DNAAF2: variants seen among roughly 807,000 people sequenced by gnomAD.
The protein encoded by DNAAF2 is dynein axonemal assembly factor 2.
A neutral mutation model predicts 48.8 loss-of-function variants in DNAAF2; 58 were observed. The observed-to-expected ratio is 1.19, with a 90% CI of 0.96 to 1.48. DNAAF2 has a LOEUF of 1.48. Among genes scored for constraint, DNAAF2 ranks in the 40% most tolerant of loss-of-function variants. The pLI is 0.00. For missense variants in DNAAF2, 1,241 were observed against 1,116.1 expected, an observed-to-expected ratio of 1.11 and a Z score of -1.59; for synonymous variants, 567 against 481.2, an observed-to-expected ratio of 1.18 and a Z score of -2.33.
chr14:49,630,740 T>TACACACACACACAC (rs58647073), intron 1 of DNAAF2, among the ~76,000 whole-genome samples: 19,565 of 136,276 alleles, frequency 0.14, 1,820 homozygotes, highest in Admixed American at 0.23. Context: ...ACAAACTCTC[T>TACACACACACACAC]ACACACACAC....
chr14:49,629,654 ACT>A (rs547804337), intron 1 of DNAAF2: 17 of 150,548 alleles, frequency 1.1e-4, no homozygotes, highest in East Asian at 2.0e-4. Context: ...ACAGAGTGAG[ACT>A]CTGTCTCAAA....
chr14:49,628,066 T>A lies in DNAAF2; in HGVS notation c.1953A>T (p.Pro651=). 2 of 1,579,692 alleles carry A rather than the reference T, an allele frequency of 1.3e-6. No homozygotes were observed. The highest frequency in any genetic ancestry group is 2.3e-5 in the South Asian group (2 of 86,030). The part of the protein sequence containing the change: ...SPFKQSMSLT[P]PLIEVLQVTD... ...TAACTTGAAGAACTTCAATTAATGG[T>A]GGGGTCAAGGACATAGACTGTTTGA... The change falls in exon 2 of 3, where the codon CCA becomes CCT. Residue 651 remains proline (P), a synonymous_variant. Coordinates refer to ENST00000298292, the MANE Select transcript of DNAAF2 (RefSeq NM_018139.3).
At chr14:49,628,710 C>T (rs1883076321) in intron 1 of DNAAF2, among the ~76,000 whole-genome samples, 1 of 152,236 alleles carries the variant, frequency 6.6e-6, no homozygotes, top group African/African-American at 2.4e-5. Flanking sequence ...CTGCCCTGGC[C>T]TCCCAAAGGG....
At position 49,633,565 on chromosome 14, in the gene DNAAF2, G is replaced by A. The variant is rs139416233; in HGVS notation, c.1585C>T (p.Gln529Ter). 5.6e-5 allele frequency: 91 copies of A among 1,613,868 alleles called. No homozygotes were observed. The highest frequency in any genetic ancestry group is 7.5e-5 in the Non-Finnish European group (88 of 1,179,902). Residue 529 changes from glutamine (Q) to a stop codon, truncating the protein, a stop_gained, in exon 1 of 3, where the codon CAG becomes TAG. Transcript: ENST00000298292. LOFTEE classifies it high-confidence loss of function. ...EPLCPPLLCN[Q>*]DKETLTLLIQ... ...AGCAGAGTCAAGGTTTCTTTGTCCT[G>A]ATTACACAGTAACGGAGGACACAAA...
In DNAAF2 at chr14:49,634,631, C is replaced by T. The variant is rs753601740; in HGVS notation, c.519G>A (p.Glu173=). The T allele has an allele frequency of 6.2e-7, 1 of 1,606,974 alleles. No individual in the cohort carries two copies. Among genetic ancestry groups the T allele is most frequent in the Non-Finnish European group, 8.5e-7 (1 of 1,179,730 alleles). ...MLDATALEAV[E]KQFGVKLDRR... ...GGTCCAGCTTCACGCCGAACTGCTT[C>T]TCGACGGCCTCCAGGGCCGTGGCGT... The change falls in exon 1 of 3, where the codon GAG becomes GAA. Residue 173 remains glutamate, a synonymous_variant. Transcript: ENST00000298292.
Position 49,633,396 on chromosome 14 carries a change from G to A in DNAAF2, c.1754C>T (p.Pro585Leu), listed in dbSNP as rs1337210929. Reference protein sequence around the residue: ...APENKLSTTEPVISISSNNAV... With the variant: ...APENKLSTTELVISISSNNAV... ...ATTGTTTGAAGAAATGCTAATCACA[G>A]GTTCTGTGGTACTCAATTTATTCTC... is the stretch of plus-strand genomic sequence containing the variant. Residue 585 changes from proline to leucine, a missense_variant, in exon 1 of 3, where the codon CCT becomes CTT. By Grantham distance (98) the Pro-to-Leu change is moderately conservative (BLOSUM62 -3). Coordinates refer to ENST00000298292, the MANE Select transcript of DNAAF2 (RefSeq NM_018139.3). 6.2e-7 allele frequency: 1 copy of A among 1,614,058 alleles called. No individual in the cohort carries two copies. The highest frequency in any genetic ancestry group is 1.1e-5 in the South Asian group (1 of 91,084).
chr14:49,631,565 C>G (rs1162911279), intron 1 of DNAAF2, among the ~76,000 whole-genome samples: 1 of 152,116 alleles, frequency 6.6e-6, no homozygotes, highest in Non-Finnish European at 1.5e-5. Context: ...GTGGAGCTTG[C>G]AGTGAGTGAG....
intron 1 of DNAAF2, among the ~76,000 whole-genome samples, chr14:49,631,276 T>G (rs1883156114): frequency 6.6e-6 from 1 of 152,188 alleles, no homozygotes; most frequent in South Asian, 2.1e-4. Flanking sequence ...ACACCAAATA[T>G]TTTAATTTTT....
rs201826641 is a variant in DNAAF2 at position 49,625,641 on chromosome 14, T to C, written c.2415A>G (p.Lys805=). ...VHNIPGFDSI[K]ETNMQDGSVQ... Reference sequence around the variant, plus strand: ...CACTACCATCCTGCATATTGGTTTCTTTTATGCTGTCGAATCCAGGTATAT... The same window carrying C: ...CACTACCATCCTGCATATTGGTTTCCTTTATGCTGTCGAATCCAGGTATAT... The change falls in exon 3 of 3, where the codon AAA becomes AAG. Residue 805 remains lysine, a synonymous_variant. Coordinates refer to ENST00000298292, the MANE Select transcript of DNAAF2 (RefSeq NM_018139.3). The C allele has an allele frequency of 1.7e-5, 28 of 1,613,780 alleles. No individual in the cohort carries two copies. In the East Asian group the frequency reaches 2.9e-4, roughly 17 times the overall value.
rs909774302 is a variant in DNAAF2 at position 49,625,596 on chromosome 14, A to G, written c.2460T>C (p.His820=). The G allele has an allele frequency of 1.2e-6, 2 of 1,610,834 alleles. No homozygotes were observed. Among genetic ancestry groups the G allele is most frequent in the Non-Finnish European group, 1.7e-6 (2 of 1,178,974 alleles). ...GAAAACTGAATGCACAATTGGTCACATGATCTTTAATGACCTGCACACTAC... is the reference window on the plus strand; with the variant it reads ...GAAAACTGAATGCACAATTGGTCACGTGATCTTTAATGACCTGCACACTAC... ...QDGSVQVIKD[H]VTNCAFSFQN... Residue 820 remains histidine (H), a synonymous_variant, in exon 3 of 3, where the codon CAT becomes CAC. Transcript: ENST00000298292.
chr14:49,631,623 A>C (rs1350545602), intron 1 of DNAAF2, among the ~76,000 whole-genome samples: 1 of 152,174 alleles, frequency 6.6e-6, no homozygotes, highest in Non-Finnish European at 1.5e-5. Context: ...ACTCCATCTC[A>C]AAAAACAACC....
At chr14:49,631,445 G>C (rs1178133587) in intron 1 of DNAAF2, among the ~76,000 whole-genome samples, 2 of 152,158 alleles carry the variant, frequency 1.3e-5, no homozygotes, top group Admixed American at 1.3e-4. Context: ...CTAACACGGT[G>C]AAACCCCATC....
At chr14:49,632,635 G>A (rs1016520577) in intron 1 of DNAAF2, among the ~76,000 whole-genome samples, 3 of 151,852 alleles carry the variant, frequency 2.0e-5, no homozygotes, top group Non-Finnish European at 4.4e-5. Context: ...TAATAGTGAC[G>A]GGGTTTCGCC....
At position 49,625,495 on chromosome 14, in the gene DNAAF2, C is replaced by A; in HGVS notation, c.*47G>T. 8.0e-7 allele frequency: 1 copy of A among 1,243,138 alleles called. No homozygotes were observed. The highest frequency in any genetic ancestry group is 1.1e-6 in the Non-Finnish European group (1 of 942,680). The allele number at this position is 1,243,138 out of a possible 1,614,324, so 77.0% of individuals were successfully genotyped here. A position where few individuals can be genotyped will look rare whatever the true frequency, so the allele number is the denominator to read the frequency against. ...CAGTTAACAGAATCAATTTTAGATA[C>A]AGGTATTTTTTAACCTTAATATTTA... On this transcript the variant is annotated 3_prime_UTR_variant, in exon 3 of 3. Transcript: ENST00000298292.
intron 1 of DNAAF2, among the ~76,000 whole-genome samples, chr14:49,628,510 A>C (rs55989869): frequency 0.022 from 3,291 of 152,066 alleles, 48 homozygotes; most frequent in Non-Finnish European, 0.031. Context: ...GCTGGAGTGC[A>C]GTGGTGCAAT....
chr14:49,628,537 C>T (rs983226113), intron 1 of DNAAF2, among the ~76,000 whole-genome samples: 1 of 152,134 alleles, frequency 6.6e-6, no homozygotes, highest in African/African-American at 2.4e-5. Context: ...TCACTGCAAC[C>T]TCCGCCTCCC....
chr14:49,633,993 C>G lies in DNAAF2; in HGVS notation c.1157G>C (p.Gly386Ala), dbSNP rs770776545. 6 of 1,523,876 alleles carry G rather than the reference C, an allele frequency of 3.9e-6. No individual in the cohort carries two copies. In the African/African-American group the frequency reaches 4.2e-5, roughly 11 times the overall value. The allele number at this position is 1,523,876 out of a possible 1,614,324, so 94.4% of individuals were successfully genotyped here. A position where few individuals can be genotyped will look rare whatever the true frequency, so the allele number is the denominator to read the frequency against. ...DGQACASAREGEAGPARSRAE... is the reference protein window; with the variant it reads ...DGQACASAREAEAGPARSRAE... ...GCGACTCCTCGCGGGTCCCGCCTCC[C>G]CCTCGCGAGCGGAAGCGCAGGCCTG... Residue 386 changes from glycine (G) to alanine (A), a missense_variant, in exon 1 of 3, where the codon GGG (glycine) becomes GCG (alanine). By Grantham distance (60) the Gly-to-Ala change is moderately conservative. Transcript: ENST00000298292.
Position 49,625,519 on chromosome 14 carries a change from T to G in DNAAF2, c.*23A>C. 6.9e-7 allele frequency: 1 copy of G among 1,441,216 alleles called. No individual in the cohort carries two copies. Among genetic ancestry groups the G allele is most frequent in the Non-Finnish European group, 9.2e-7 (1 of 1,088,866 alleles). The allele number at this position is 1,441,216 out of a possible 1,614,324, so 89.3% of individuals were successfully genotyped here. On this transcript the variant is annotated 3_prime_UTR_variant, in exon 3 of 3. Coordinates refer to ENST00000298292, the MANE Select transcript of DNAAF2 (RefSeq NM_018139.3). Reference sequence around the variant, plus strand: ...ACAGGTATTTTTTAACCTTAATATTTAAAAGTCCAAAATTATATAGAATTA... The same window carrying G: ...ACAGGTATTTTTTAACCTTAATATTGAAAAGTCCAAAATTATATAGAATTA...
intron 1 of DNAAF2, among the ~76,000 whole-genome samples, chr14:49,632,516 G>C (rs1301035388): frequency 6.6e-6 from 1 of 151,456 alleles, no homozygotes; most frequent in African/African-American, 2.4e-5. Flanking sequence ...CATGATATCG[G>C]CTCACTGCAA....
Sources: gnomAD v4.1 joint callset for allele counts (sites outside exome capture counted in the v4.1 genomes callset) on GRCh38, gnomAD v4.1.1 for gene constraint, MANE v1.5 for transcripts, NCBI Gene and HGNC (gene_info 2026-07-23, HGNC 2026-07-21) for gene names.